Variants in OSBPL9 observed in about 807,000 individuals in gnomAD.
The protein encoded by OSBPL9 is oxysterol-binding protein-related protein 9.
In OSBPL9, 40 loss-of-function variants were observed where a neutral mutation model predicts 106.6. That is an observed-to-expected ratio of 0.38 (90% confidence interval 0.29 to 0.49). OSBPL9 has a LOEUF of 0.49. OSBPL9 is among the 20% of genes least tolerant of loss of function. The pLI, the probability that OSBPL9 is intolerant of heterozygous loss-of-function variation, is 0.97. For missense variants in OSBPL9, 609 were observed against 887.2 expected (o/e 0.69, Z 3.98); for synonymous variants, 269 against 295.4 (o/e 0.91, Z 0.92).
the OSBPL9 span, among the ~76,000 whole-genome samples, chr1:51,564,727 G>C: frequency 6.6e-6 from 1 of 152,302 alleles, no homozygotes; most frequent in South Asian, 2.1e-4. Flanking sequence ...TCCTAAGACA[G>C]ACAGCATCCT....
chr1:51,677,605 G>A (rs561035036), intron 3 of OSBPL9, among the ~76,000 whole-genome samples: 20 of 151,730 alleles, frequency 1.3e-4, no homozygotes, highest in African/African-American at 4.6e-4. Context: ...AGGCTGGAGT[G>A]CAGTGGCACA....
At chr1:51,744,764 A>T (rs1667616775) in intron 4 of OSBPL9, among the ~76,000 whole-genome samples, 1 of 152,160 alleles carries the variant, frequency 6.6e-6, no homozygotes, top group African/African-American at 2.4e-5. Context: ...AAGATTAAGA[A>T]CTCAAAAGTT....
intron 2 of OSBPL9, among the ~76,000 whole-genome samples, chr1:51,668,544 C>G (rs1483012950): frequency 6.6e-6 from 1 of 152,148 alleles, no homozygotes; most frequent in African/African-American, 2.4e-5. Flanking sequence ...ATCACTTGAA[C>G]CTGGGAGGTG....
chr1:51,596,751 T>G (rs1304278519), intron 1 of OSBPL9, among the ~76,000 whole-genome samples: 5 of 151,666 alleles, frequency 3.3e-5, no homozygotes, highest in Admixed American at 2.6e-4. Flanking sequence ...CTGCACTCCA[T>G]CCTGGGTGAC....
chr1:51,613,348 A>C (rs1379912684), upstream of OSBPL9, among the ~76,000 whole-genome samples: 1 of 152,210 alleles, frequency 6.6e-6, no homozygotes, highest in African/African-American at 2.4e-5. Flanking sequence ...GGAAGTGTAT[A>C]GTGTGTTTTG....
Position 51,776,883 on chromosome 1 carries a change from T to C in OSBPL9, c.1221T>C (p.Tyr407=), listed in dbSNP as rs1675206357. Residue 407 remains tyrosine (Y), a synonymous_variant, in exon 15 of 24, where the codon TAT becomes TAC. Coordinates refer to ENST00000428468, the MANE Select transcript of OSBPL9 (RefSeq NM_024586.6). Reference sequence around the variant, plus strand: ...AAAGAAGATCTCTTTTAGAAATGTATGCAGACTTTTTTGCACATCCGGACC... The same window carrying C: ...AAAGAAGATCTCTTTTAGAAATGTACGCAGACTTTTTTGCACATCCGGACC... ...ILERRSLLEM[Y]ADFFAHPDLF... 1.9e-6 allele frequency: 3 copies of C among 1,613,088 alleles called. No homozygotes were observed. The highest frequency in any genetic ancestry group is 1.7e-5 in the Admixed American group (1 of 60,004).
chr1:51,677,671 C>T lies in OSBPL9; in HGVS notation c.241+8159C>T, dbSNP rs12126274. Among the ~76,000 whole-genome samples, 1,434 of 152,220 alleles carry T rather than the reference C, an allele frequency of 9.4e-3. 11 individuals are homozygous for T. The highest frequency in any genetic ancestry group is 0.016 in the Non-Finnish European group (1,077 of 68,020). On this transcript the variant is annotated intron_variant, in intron 3 of 23. Coordinates refer to ENST00000428468, the MANE Select transcript of OSBPL9 (RefSeq NM_024586.6). ...GGTTCAAGCAGTTCCCTGCCTCAGCCTCCCAAGTAGCTGGGATTAGAGGCA... is the reference window on the plus strand; with the variant it reads ...GGTTCAAGCAGTTCCCTGCCTCAGCTTCCCAAGTAGCTGGGATTAGAGGCA...
chr1:51,675,385 AT>A (rs1011298308), intron 3 of OSBPL9, among the ~76,000 whole-genome samples: 1 of 150,350 alleles, frequency 6.7e-6, no homozygotes, highest in Non-Finnish European at 1.5e-5. Flanking sequence ...TTATTTATTT[AT>A]TTTTTGTGAA....
chr1:51,609,051 C>T (rs1015226553), intron 2 of OSBPL9, among the ~76,000 whole-genome samples: 1 of 152,048 alleles, frequency 6.6e-6, no homozygotes, highest in Non-Finnish European at 1.5e-5. Flanking sequence ...CCTCCCCTTC[C>T]CCCTTCCTAT....
At chr1:51,673,561 C>CT (rs1447334428) in intron 3 of OSBPL9, among the ~76,000 whole-genome samples, 1 of 152,196 alleles carries the variant, frequency 6.6e-6, no homozygotes, top group East Asian at 1.9e-4. Context: ...AGAATGGGAT[C>CT]TAACACACAG....
chr1:51,609,192 A>T (rs1280528178), intron 2 of OSBPL9, among the ~76,000 whole-genome samples: 1 of 151,814 alleles, frequency 6.6e-6, no homozygotes, highest in Non-Finnish European at 1.5e-5. Flanking sequence ...TCCCCATTCT[A>T]ATTATTGATT....
chr1:51,612,723 C>G (rs74976144), upstream of OSBPL9, among the ~76,000 whole-genome samples: 3 of 152,190 alleles, frequency 2.0e-5, no homozygotes, highest in Non-Finnish European at 4.4e-5. Context: ...AAAGTTAAAA[C>G]TGATTTAGAA....
chr1:51,730,102 C>A lies in OSBPL9; in HGVS notation c.319-15434C>A, dbSNP rs574905887. On this transcript the variant is annotated intron_variant, in intron 4 of 23. Transcript: ENST00000428468. ...GAGCGCGAATGTCGTGCTCACCCTGCCTCCTTCCCGCCGCCCCCTGGGGTG... is the reference window on the plus strand; with the variant it reads ...GAGCGCGAATGTCGTGCTCACCCTGACTCCTTCCCGCCGCCCCCTGGGGTG... The A allele has an allele frequency of 6.4e-6, 8 of 1,253,694 alleles. No individual in the cohort carries two copies. In the African/African-American group the frequency reaches 1.1e-4, roughly 17 times the overall value. The allele number at this position is 1,253,694 out of a possible 1,614,324, so 77.7% of individuals were successfully genotyped here. A position where few individuals can be genotyped will look rare whatever the true frequency, so the allele number is the denominator to read the frequency against.
intron 4 of OSBPL9, among the ~76,000 whole-genome samples, chr1:51,738,826 G>A (rs995180119): frequency 6.6e-6 from 1 of 151,790 alleles, no homozygotes; most frequent in Non-Finnish European, 1.5e-5. Flanking sequence ...TTATCCATCC[G>A]TACTCATTGA....
At chr1:51,533,780 G>C in the OSBPL9 span, among the ~76,000 whole-genome samples, 2 of 151,478 alleles carry the variant, frequency 1.3e-5, no homozygotes, top group Non-Finnish European at 2.9e-5. Context: ...GAACAGGCAA[G>C]GGATTTTTGA....
At chr1:51,709,288 T>A (rs1659307648) in intron 3 of OSBPL9, 1 of 216,374 alleles carries the variant, frequency 4.6e-6, no homozygotes, top group South Asian at 8.0e-5. Flanking sequence ...GAGGGGCACC[T>A]GGCCAGCACC....
In OSBPL9 at chr1:51,788,221, T is replaced by A. The variant is rs769521652; in HGVS notation, c.*432T>A. 6.5e-6 allele frequency: 1 copy of A among 154,668 alleles called. No homozygotes were observed. Among genetic ancestry groups the A allele is most frequent in the African/African-American group, 2.4e-5 (1 of 41,470 alleles). The allele number at this position is 154,668 out of a possible 1,614,324, so 9.6% of individuals were successfully genotyped here. A position where few individuals can be genotyped will look rare whatever the true frequency, so the allele number is the denominator to read the frequency against. On this transcript the variant is annotated 3_prime_UTR_variant, in exon 24 of 24. Transcript: ENST00000428468. ...ACACACACATACATATATATAAATA[T>A]ACCTGATGCCAGATTTTTTTCATAA... is the stretch of plus-strand genomic sequence containing the variant.
chr1:51,523,110 A>T, the OSBPL9 span, among the ~76,000 whole-genome samples: 9 of 152,112 alleles, frequency 5.9e-5, no homozygotes, highest in Non-Finnish European at 1.2e-4. Flanking sequence ...AAAATCAATC[A>T]AATAAAAATA....
chr1:51,538,961 T>A, the OSBPL9 span, among the ~76,000 whole-genome samples: 1 of 152,208 alleles, frequency 6.6e-6, no homozygotes, highest in Non-Finnish European at 1.5e-5. Flanking sequence ...CTTTGTCTAT[T>A]CCACCACCCT....
Sources: allele counts gnomAD v4.1 joint callset (sites outside exome capture counted in the v4.1 genomes callset), GRCh38; gene constraint gnomAD v4.1.1; transcripts MANE v1.5; gene names NCBI Gene and HGNC (gene_info 2026-07-23, HGNC 2026-07-21).